Variants in S100Z observed in about 807,000 individuals in gnomAD.
S100Z encodes the protein protein S100-Z.
In S100Z, 11 loss-of-function variants were observed where a neutral mutation model predicts 8.5. That is an observed-to-expected ratio of 1.30 (90% CI 0.82 to 2.15). The LOEUF (loss-of-function observed/expected upper bound fraction) is 2.15, where lower values mean the gene tolerates loss of function less well. Ranked by LOEUF, S100Z falls within the 30% of genes most tolerant of loss-of-function variation. The probability of loss-of-function intolerance (pLI) is 0.00; values close to 1 mark genes in which losing one functional copy is unlikely to be tolerated. For missense variants in S100Z, 126 were observed against 117.9 expected (o/e 1.07, Z -0.32); for synonymous variants, 34 against 43.8 (o/e 0.78, Z 0.89).
intron 1 of S100Z, among the ~76,000 whole-genome samples, chr5:76,862,480 T>TA (rs1751088297): frequency 6.6e-6 from 1 of 152,040 alleles, no homozygotes; most frequent in South Asian, 2.1e-4. Context: ...CTAGGAGTGT[T>TA]ACAGAATTCT....
chr5:76,864,386 ATTTTTT>A (rs56206322), intron 1 of S100Z, among the ~76,000 whole-genome samples: 1,734 of 72,108 alleles, frequency 0.024, 60 homozygotes, highest in African/African-American at 0.074. Context: ...TGCATACTAT[ATTTTTT>A]TTTTTTTTTT....
chr5:76,857,453 G>A (rs1750915872), intron 1 of S100Z, among the ~76,000 whole-genome samples: 1 of 151,458 alleles, frequency 6.6e-6, no homozygotes, highest in Non-Finnish European at 1.5e-5. Flanking sequence ...CATTTTGTCA[G>A]AACTGTCTTG....
chr5:76,920,880 T>A lies in S100Z; in HGVS notation c.*166T>A, dbSNP rs1323158236. Reference sequence around the variant, plus strand: ...GCTGCTTGAGCCCTTCCCATGCTCATAAATTAGGTAAGGAGCAGTGAGGAA... The same window carrying A: ...GCTGCTTGAGCCCTTCCCATGCTCAAAAATTAGGTAAGGAGCAGTGAGGAA... On this transcript the variant is annotated 3_prime_UTR_variant, in exon 5 of 5. Coordinates refer to ENST00000317593, the MANE Select transcript of S100Z (RefSeq NM_130772.4). 6.6e-6 allele frequency: 1 copy of A among 152,316 alleles called. No homozygotes were observed. Among genetic ancestry groups the A allele is most frequent in the African/African-American group, 2.4e-5 (1 of 41,578 alleles). The allele number at this position is 152,316 out of a possible 1,614,324, so 9.4% of individuals were successfully genotyped here. A position where few individuals can be genotyped will look rare whatever the true frequency, so the allele number is the denominator to read the frequency against.
chr5:76,919,117 G>A (rs1047706423), intron 4 of S100Z, among the ~76,000 whole-genome samples: 3 of 152,110 alleles, frequency 2.0e-5, no homozygotes, highest in Non-Finnish European at 2.9e-5. Context: ...TTGCTTCCAA[G>A]GTTTGCCAAT....
At chr5:76,858,566 A>G (rs555093756) in intron 1 of S100Z, among the ~76,000 whole-genome samples, 2 of 152,030 alleles carry the variant, frequency 1.3e-5, no homozygotes, top group African/African-American at 4.8e-5. Flanking sequence ...GATCCAACTT[A>G]AGTCCAGCGT....
intron 2 of S100Z, among the ~76,000 whole-genome samples, chr5:76,874,040 C>CG (rs72593793): frequency 3.3e-5 from 5 of 152,084 alleles, no homozygotes; most frequent in East Asian, 1.9e-4. Flanking sequence ...CCCTTTCCCC[C>CG]CTTACCCCTG....
chr5:76,864,620 T>G (rs1320873657), intron 1 of S100Z, among the ~76,000 whole-genome samples: 11 of 151,996 alleles, frequency 7.2e-5, no homozygotes, highest in African/African-American at 2.4e-4. Context: ...CCTAGGCTGG[T>G]CTCAAACTCC....
chr5:76,915,867 T>A (rs1270039009), intron 4 of S100Z, among the ~76,000 whole-genome samples: 1 of 151,978 alleles, frequency 6.6e-6, no homozygotes, highest in Non-Finnish European at 1.5e-5. Flanking sequence ...AAATGTTATG[T>A]TAACATTAGA....
At position 76,850,062 on chromosome 5, in the gene S100Z, G is replaced by C. The variant is rs1049131711; in HGVS notation, c.-269G>C. 1 of 152,276 alleles carries C rather than the reference G, an allele frequency of 6.6e-6. No homozygotes were observed. Among genetic ancestry groups the C allele is most frequent in the African/African-American group, 2.4e-5 (1 of 41,440 alleles). The allele number at this position is 152,276 out of a possible 1,614,324, so 9.4% of individuals were successfully genotyped here. On this transcript the variant is annotated 5_prime_UTR_variant, in exon 1 of 5. Coordinates refer to ENST00000317593, the MANE Select transcript of S100Z (RefSeq NM_130772.4). ...ACAGCAGGGCCTCTTGCTCGCTCTA[G>C]CTGCTGGGAGGAAAACGGCTTGCTA...
At chr5:76,945,967 A>G in the S100Z span, among the ~76,000 whole-genome samples, 16 of 152,284 alleles carry the variant, frequency 1.1e-4, no homozygotes, top group African/African-American at 3.6e-4. Context: ...GAGGTACTCC[A>G]AAGGCCATTG....
chr5:76,875,232 T>TG, intron 2 of S100Z, 72 bp from the exon 3 acceptor site: 1 of 841,868 alleles, frequency 1.2e-6, no homozygotes, highest in Non-Finnish European at 1.8e-6. Context: ...TGTGGCGAGC[T>TG]GACTCGGGGG....
the S100Z span, among the ~76,000 whole-genome samples, chr5:76,945,625 G>A: frequency 3.3e-5 from 5 of 152,224 alleles, no homozygotes; most frequent in African/African-American, 9.6e-5. Context: ...CCTGGCCTAT[G>A]TGCACATCCA....
intron 4 of S100Z, among the ~76,000 whole-genome samples, chr5:76,904,217 A>G (rs1056211667): frequency 6.6e-6 from 1 of 152,046 alleles, no homozygotes; most frequent in Non-Finnish European, 1.5e-5. Flanking sequence ...TTTTTGAGAC[A>G]AGGTTTCACT....
intron 4 of S100Z, among the ~76,000 whole-genome samples, chr5:76,888,365 G>GTCT (rs1235748706): frequency 1.2e-5 from 1 of 84,020 alleles, no homozygotes; most frequent in Non-Finnish European, 2.5e-5. Context: ...GAAAGTGCTG[G>GTCT]TATTTTTTTT....
chr5:76,859,768 C>CAAAAAAAAAAAAAAAAAAAAA (rs70982653), intron 1 of S100Z, among the ~76,000 whole-genome samples: 11 of 97,652 alleles, frequency 1.1e-4, no homozygotes, highest in South Asian at 5.4e-4. Flanking sequence ...GCAACAGAGC[C>CAAAAAAAAAAAAAAAAAAAAA]AAAAAAAAAA....
At chr5:76,908,004 G>T (rs939362109) in intron 4 of S100Z, among the ~76,000 whole-genome samples, 2 of 152,074 alleles carry the variant, frequency 1.3e-5, no homozygotes, top group Non-Finnish European at 2.9e-5. Flanking sequence ...GGTGGCACCT[G>T]CCTGTAGTCC....
chr5:76,862,147 G>A (rs751968840), intron 1 of S100Z, among the ~76,000 whole-genome samples: 4 of 151,764 alleles, frequency 2.6e-5, no homozygotes, highest in Non-Finnish European at 5.9e-5. Context: ...GTGTGTGTGT[G>A]TGTGTGTGTA....
At chr5:76,886,643 G>C (rs1743647521) in intron 4 of S100Z, among the ~76,000 whole-genome samples, 1 of 152,160 alleles carries the variant, frequency 6.6e-6, no homozygotes, top group African/African-American at 2.4e-5. Context: ...GAGCAACAAG[G>C]CTGTTTATAT....
chr5:76,873,029 C>T (rs1554036647), intron 2 of S100Z, among the ~76,000 whole-genome samples: 1 of 151,808 alleles, frequency 6.6e-6, no homozygotes, highest in Non-Finnish European at 1.5e-5. Context: ...TTGTTTTTTC[C>T]ATTCTGAGTA....
Sources: gnomAD v4.1 joint callset for allele counts (sites outside exome capture counted in the v4.1 genomes callset) on GRCh38, gnomAD v4.1.1 for gene constraint, MANE v1.5 for transcripts, NCBI Gene and HGNC (gene_info 2026-07-23, HGNC 2026-07-21) for gene names.